Variants in EFCAB13 observed in about 807,000 individuals in gnomAD.
EFCAB13 encodes EF-hand calcium binding domain 13, also known as EF-hand calcium-binding domain-containing protein 13.
EFCAB13 carries 91 observed loss-of-function variants against 110.2 expected under a neutral mutation model. That is an observed-to-expected ratio of 0.83 (90% CI 0.70 to 0.98). The LOEUF is 0.98. Ranked by LOEUF, EFCAB13 falls within the 50% of genes least tolerant of loss-of-function variation. The pLI, the probability that EFCAB13 is intolerant of heterozygous loss-of-function variation, is 0.00. For missense variants in EFCAB13, 968 were observed against 1,119.4 expected (o/e 0.86, Z 1.93); for synonymous variants, 323 against 369.9 (o/e 0.87, Z 1.45).
At chr17:47,345,226 T>C (rs1598724870) in intron 8 of EFCAB13, 128 bp downstream of exon 8, 2 of 602,160 alleles carry the variant, frequency 3.3e-6, no homozygotes, top group East Asian at 6.0e-5. Flanking sequence ...ATACATGGTA[T>C]GGCAAATGCT....
intron 3 of EFCAB13, among the ~76,000 whole-genome samples, chr17:47,327,166 GTTTTC>G (rs113427038): frequency 0.04 from 6,139 of 151,984 alleles, 280 homozygotes; most frequent in East Asian, 0.24. Flanking sequence ...ATTTTGTTTT[GTTTTC>G]TTTTGTTTTG....
At chr17:47,390,794 A>G (rs1598746188) in intron 14 of EFCAB13, among the ~76,000 whole-genome samples, 1 of 152,196 alleles carries the variant, frequency 6.6e-6, no homozygotes, top group South Asian at 2.1e-4. Flanking sequence ...GAGAAATTAT[A>G]TAATATTTTG....
Position 47,439,171 on chromosome 17 carries a change from G to GTTTT in EFCAB13, c.2639-1239_2639-1236dup, listed in dbSNP as rs71141908. Among the ~76,000 whole-genome samples the GTTTT allele has an allele frequency of 2.6e-3, 191 of 73,866 alleles. 3 individuals carry two copies. The highest frequency in any genetic ancestry group is 0.011 in the Middle Eastern group (1 of 90). The allele number at this position is 73,866 out of a possible 152,430, so 48.5% of individuals were successfully genotyped here. ...GCCACCTGAGTTTCCTCTTTGTTTT[G>GTTTT]TTTTTTTTTTTTTTTTTTTTTTTTA... is the stretch of plus-strand genomic sequence containing the variant. On this transcript the variant is annotated intron_variant, in intron 24 of 24. Coordinates refer to ENST00000331493, the MANE Select transcript of EFCAB13 (RefSeq NM_152347.5).
intron 23 of EFCAB13, among the ~76,000 whole-genome samples, chr17:47,415,343 T>A (rs1033716428): frequency 6.6e-6 from 1 of 152,090 alleles, no homozygotes; most frequent in African/African-American, 2.4e-5. Context: ...CATATGTAAC[T>A]AACCTGCACA....
At chr17:47,350,525 A>T (rs529121151) in intron 9 of EFCAB13, among the ~76,000 whole-genome samples, 3 of 151,974 alleles carry the variant, frequency 2.0e-5, no homozygotes, top group African/African-American at 7.3e-5. Flanking sequence ...CAAGAACCAC[A>T]TACTCGTTAG....
At chr17:47,424,379 T>A (rs1904854915) in intron 23 of EFCAB13, among the ~76,000 whole-genome samples, 1 of 152,156 alleles carries the variant, frequency 6.6e-6, no homozygotes, top group Admixed American at 6.5e-5. Context: ...TGGATCATAG[T>A]TCCCAGCGTG....
intron 14 of EFCAB13, among the ~76,000 whole-genome samples, chr17:47,388,940 T>C (rs1477361218): frequency 2.6e-5 from 4 of 152,122 alleles, no homozygotes; most frequent in Admixed American, 6.5e-5. Context: ...ATAACTGTTA[T>C]AATAGGTGTG....
intron 17 of EFCAB13, 125 bp downstream of exon 17, chr17:47,396,102 T>G (rs529507875): frequency 1.4e-6 from 1 of 691,804 alleles, no homozygotes; most frequent in East Asian, 2.8e-5. Flanking sequence ...AATGCCAACA[T>G]ATGCATTTAG....
chr17:47,390,210 G>C (rs2065698431), intron 14 of EFCAB13, among the ~76,000 whole-genome samples: 1 of 151,626 alleles, frequency 6.6e-6, no homozygotes, highest in African/African-American at 2.4e-5. Flanking sequence ...TGTATATATT[G>C]TGTGTGTTTG....
chr17:47,332,348 T>C (rs1487094697), intron 4 of EFCAB13, among the ~76,000 whole-genome samples: 1 of 152,204 alleles, frequency 6.6e-6, no homozygotes, highest in African/African-American at 2.4e-5. Context: ...TTTTGATCTA[T>C]GTATACATTA....
rs137885108 is a variant in EFCAB13 at position 47,412,887 on chromosome 17, A to G, written c.2393A>G (p.Asn798Ser). The change falls in exon 22 of 25, where the codon AAT (asparagine) becomes AGT (serine). Residue 798 changes from asparagine (N) to serine (S), a missense_variant. Transcript: ENST00000331493. ...GTTAATTTAACTGAGGAGGACTTCAATGAAGCCCTTAACTGTTGTAACGTC... is the reference window on the plus strand; with the variant it reads ...GTTAATTTAACTGAGGAGGACTTCAGTGAAGCCCTTAACTGTTGTAACGTC... ...LNVNLTEEDF[N>S]EALNCCNVSD... 186 of 1,613,780 alleles carry G rather than the reference A, an allele frequency of 1.2e-4. 1 individual carries two copies. The highest frequency in any genetic ancestry group is 9.9e-4 in the Middle Eastern group (6 of 6,056).
At chr17:47,438,519 G>A (rs1035128602) in intron 24 of EFCAB13, among the ~76,000 whole-genome samples, 7 of 110,520 alleles carry the variant, frequency 6.3e-5, no homozygotes. Flanking sequence ...TTTTGTCTTT[G>A]TTGGATTGAG....
At chr17:47,422,872 C>T (rs1225742222) in intron 23 of EFCAB13, among the ~76,000 whole-genome samples, 1 of 152,086 alleles carries the variant, frequency 6.6e-6, no homozygotes, top group Non-Finnish European at 1.5e-5. Flanking sequence ...TAGAAACTGA[C>T]AATCTGATTT....
At chr17:47,337,976 C>T (rs1277707363) in intron 5 of EFCAB13, among the ~76,000 whole-genome samples, 1 of 152,136 alleles carries the variant, frequency 6.6e-6, no homozygotes, top group Non-Finnish European at 1.5e-5. Flanking sequence ...GAGACAGTGA[C>T]TCCTATCTCA....
intron 24 of EFCAB13, among the ~76,000 whole-genome samples, chr17:47,438,212 G>A (rs1209439765): frequency 6.6e-6 from 1 of 152,190 alleles, no homozygotes. Flanking sequence ...CAGCTCTTAC[G>A]AGTCTTTCCT....
chr17:47,429,393 T>C (rs1452883100), intron 23 of EFCAB13, among the ~76,000 whole-genome samples: 1 of 152,204 alleles, frequency 6.6e-6, no homozygotes, highest in Admixed American at 6.5e-5. Flanking sequence ...GTTGACTACC[T>C]ATATGTTTCT....
At position 47,391,397 on chromosome 17, in the gene EFCAB13, C is replaced by T. The variant is rs191255944; in HGVS notation, c.1583-40C>T. 2,557 of 1,416,420 alleles carry T rather than the reference C, an allele frequency of 1.8e-3. 1 individual carries two copies. The highest frequency in any genetic ancestry group is 2.3e-3 in the Non-Finnish European group (2,444 of 1,077,336). 87.7% of individuals were successfully genotyped at this position (1,416,420 alleles called of 1,614,324 possible). On this transcript the variant is annotated intron_variant, in intron 14 of 24. Transcript: ENST00000331493. Reference sequence around the variant, plus strand: ...CTTGTTAGTGGTGTTTTATTTTTGACTTATATTTAATACTTATTAGCATAC... The same window carrying T: ...CTTGTTAGTGGTGTTTTATTTTTGATTTATATTTAATACTTATTAGCATAC...
chr17:47,387,036 T>C (rs557251963), intron 14 of EFCAB13, among the ~76,000 whole-genome samples: 1 of 152,272 alleles, frequency 6.6e-6, no homozygotes, highest in South Asian at 2.1e-4. Context: ...ATCACCGGCC[T>C]TCTGTGTTGG....
chr17:47,403,341 A>G (rs752735176), intron 18 of EFCAB13, among the ~76,000 whole-genome samples: 34 of 152,300 alleles, frequency 2.2e-4, no homozygotes, highest in Middle Eastern at 3.4e-3. Flanking sequence ...GACATTAAGT[A>G]GTAATAATTT....
Sources: allele counts gnomAD v4.1 joint callset (sites outside exome capture counted in the v4.1 genomes callset), GRCh38; gene constraint gnomAD v4.1.1; transcripts MANE v1.5; gene names NCBI Gene and HGNC (gene_info 2026-07-23, HGNC 2026-07-21).